The following UBA6 variants were observed in gnomAD, a reference collection of about 807,000 sequenced individuals.
UBA6 encodes the protein ubiquitin-like modifier-activating enzyme 6.
UBA6 carries 87 observed loss-of-function variants against 148.3 expected under a neutral mutation model. The observed-to-expected ratio is 0.59, with a 90% CI of 0.49 to 0.70. The LOEUF (loss-of-function observed/expected upper bound fraction) is 0.70, where lower values mean the gene tolerates loss of function less well. Ranked by LOEUF, UBA6 falls within the 30% of genes least tolerant of loss-of-function variation. UBA6 has a pLI of 0.00. For missense variants in UBA6, 1,186 were observed against 1,241.2 expected (o/e 0.96, Z 0.67); for synonymous variants, 376 against 401.0 (o/e 0.94, Z 0.75).
In UBA6 at chr4:67,678,534, CT is replaced by C; in HGVS notation, c.259-2del. The stretch of plus-strand genomic sequence containing the variant: ...TTTCTGTATCATGAATTGTAACTGC[CT>C]TCAAAAAAGAAAAAAGTATTGGTTG... On this transcript the variant is annotated splice_acceptor_variant, in intron 4 of 32. Coordinates refer to ENST00000322244, the MANE Select transcript of UBA6 (RefSeq NM_018227.6). LOFTEE classifies it high-confidence loss of function. 6.3e-7 allele frequency: 1 copy of C among 1,577,952 alleles called. No individual in the cohort carries two copies. Among genetic ancestry groups the C allele is most frequent in the Non-Finnish European group, 8.6e-7 (1 of 1,158,752 alleles).
chr4:67,677,604 T>A lies in UBA6; in HGVS notation c.465+7A>T. Reference sequence around the variant, plus strand: ...CAATAACATTTAATACAAAATGGAGTACTAACCTGGTATTTATCTAAAAAG... The same window carrying A: ...CAATAACATTTAATACAAAATGGAGAACTAACCTGGTATTTATCTAAAAAG... On this transcript the variant is annotated splice_region_variant and intron_variant, in intron 6 of 32. Coordinates refer to ENST00000322244, the MANE Select transcript of UBA6 (RefSeq NM_018227.6). 7.2e-7 allele frequency: 1 copy of A among 1,395,598 alleles called. No homozygotes were observed. Among genetic ancestry groups the A allele is most frequent in the Non-Finnish European group, 1.0e-6 (1 of 991,852 alleles). The allele number at this position is 1,395,598 out of a possible 1,614,324, so 86.5% of individuals were successfully genotyped here. A position where few individuals can be genotyped will look rare whatever the true frequency, so the allele number is the denominator to read the frequency against.
intron 2 of UBA6, among the ~76,000 whole-genome samples, chr4:67,689,370 T>G (rs539475355): frequency 6.2e-4 from 95 of 152,202 alleles, no homozygotes; most frequent in African/African-American, 2.2e-3. Flanking sequence ...TAAACAACAT[T>G]TGAAGTATCA....
chr4:67,670,119 T>C (rs1159123269), intron 8 of UBA6, among the ~76,000 whole-genome samples: 1 of 152,080 alleles, frequency 6.6e-6, no homozygotes, highest in Non-Finnish European at 1.5e-5. Flanking sequence ...ATTTTTTGTA[T>C]TTTTGGTAGA....
rs1560476184 is a variant in UBA6, at chr4:67,623,177, T to A, written c.2886A>T (p.Gly962=). Residue 962 remains glycine, a synonymous_variant, in exon 31 of 33, where the codon GGA becomes GGT. Transcript: ENST00000322244. ...FTIWDRWTVH[G]KEDFTLLDFI... ...AATCCAAGAGGGTGAAATCTTCTTT[T>A]CCATGTACGGTCCATCGATCCCAAA... 6.2e-7 allele frequency: 1 copy of A among 1,613,222 alleles called. No individual in the cohort carries two copies. Among genetic ancestry groups the A allele is most frequent in the Non-Finnish European group, 8.5e-7 (1 of 1,179,428 alleles).
At chr4:67,667,156 A>C (rs1404395194) in intron 9 of UBA6, among the ~76,000 whole-genome samples, 2 of 152,102 alleles carry the variant, frequency 1.3e-5, no homozygotes, top group East Asian at 1.9e-4. Context: ...CACAACATGG[A>C]CCCCGAAATT....
At position 67,618,985 on chromosome 4, in the gene UBA6, A is replaced by C. The variant is rs1285045978; in HGVS notation, c.*12T>G. ...ATCAAGTGGTCCTGGAGTAACGTTA[A>C]GACAACTTGTATTAATCAGTGTCAT... On this transcript the variant is annotated 3_prime_UTR_variant, in exon 33 of 33. Transcript: ENST00000322244. 3.1e-6 allele frequency: 5 copies of C among 1,611,440 alleles called. No homozygotes were observed. Among genetic ancestry groups the C allele is most frequent in the Non-Finnish European group, 4.2e-6 (5 of 1,179,338 alleles).
intron 15 of UBA6, among the ~76,000 whole-genome samples, chr4:67,646,486 T>C (rs1222044677): frequency 6.6e-6 from 1 of 152,170 alleles, no homozygotes; most frequent in Non-Finnish European, 1.5e-5. Flanking sequence ...CTAATGTCAT[T>C]ATGGTATTTT....
In UBA6 at chr4:67,617,102, C is replaced by T. The variant is rs1457902269; in HGVS notation, c.*1895G>A. The T allele has an allele frequency of 6.6e-6, 1 of 152,060 alleles. No homozygotes were observed. Among genetic ancestry groups the T allele is most frequent in the Non-Finnish European group, 1.5e-5 (1 of 67,954 alleles). 9.4% of individuals were successfully genotyped at this position (152,060 alleles called of 1,614,324 possible). ...TGATTTTGTTTTATCTGCTAAAACACTAATATCTATAAATATGAACTGACA... is the reference window on the plus strand; with the variant it reads ...TGATTTTGTTTTATCTGCTAAAACATTAATATCTATAAATATGAACTGACA... On this transcript the variant is annotated 3_prime_UTR_variant, in exon 33 of 33. Coordinates refer to ENST00000322244, the MANE Select transcript of UBA6 (RefSeq NM_018227.6).
rs1449453264 is a variant in UBA6 at position 67,700,927 on chromosome 4, G to GC, written c.71+121dup. ...CCGCGCGCGCCCCTCGCCTCCCAGG[G>GC]CCGGCTCTGCTCGGCCCCGCGGCCT... On this transcript the variant is annotated intron_variant, in intron 1 of 32. Coordinates refer to ENST00000322244, the MANE Select transcript of UBA6 (RefSeq NM_018227.6). 2.4e-6 allele frequency: 3 copies of GC among 1,236,902 alleles called. No homozygotes were observed. In the African/African-American group the frequency reaches 4.6e-5, roughly 19 times the overall value. 76.6% of individuals were successfully genotyped at this position (1,236,902 alleles called of 1,614,324 possible). A position where few individuals can be genotyped will look rare whatever the true frequency, so the allele number is the denominator to read the frequency against.
At chr4:67,623,995 T>C in intron 30 of UBA6, 131 bp downstream of exon 30, 3 of 707,510 alleles carry the variant, frequency 4.2e-6, no homozygotes, top group Non-Finnish European at 6.5e-6. Flanking sequence ...GAGCTGATCT[T>C]GAAGTGATGG....
intron 13 of UBA6, among the ~76,000 whole-genome samples, chr4:67,651,606 G>GA (rs1039366273): frequency 1.3e-5 from 2 of 152,000 alleles, no homozygotes; most frequent in Non-Finnish European, 2.9e-5. Flanking sequence ...GAAAACTACA[G>GA]AAAAAATATG....
chr4:67,696,235 T>C (rs1438411427), intron 2 of UBA6, among the ~76,000 whole-genome samples: 1 of 152,140 alleles, frequency 6.6e-6, no homozygotes, highest in African/African-American at 2.4e-5. Flanking sequence ...TACGTATTAT[T>C]GTCCAAAAAT....
Position 67,626,249 on chromosome 4 carries a change from T to C in UBA6, c.2518+111A>G, listed in dbSNP as rs904764502. 7.2e-6 allele frequency: 5 copies of C among 690,564 alleles called. No individual in the cohort carries two copies. The Admixed American group carries it at 7.9e-5, about 11-fold the overall frequency. 42.8% of individuals were successfully genotyped at this position (690,564 alleles called of 1,614,324 possible). A position where few individuals can be genotyped will look rare whatever the true frequency, so the allele number is the denominator to read the frequency against. On this transcript the variant is annotated intron_variant, in intron 28 of 32. Transcript: ENST00000322244. The stretch of plus-strand genomic sequence containing the variant: ...AATATGATCATGAAATCAATCAATA[T>C]TGTCATCATTATTATTGTTGTGATT...
intron 18 of UBA6, 124 bp downstream of exon 18, chr4:67,641,023 CATTA>C (rs1729293640): frequency 3.1e-6 from 2 of 655,364 alleles, no homozygotes; most frequent in Non-Finnish European, 5.3e-6. Flanking sequence ...TTGTCATTTC[CATTA>C]ATTGATAATT....
intron 7 of UBA6, 62 bp from the exon 8 acceptor site, chr4:67,670,654 T>C: frequency 8.1e-7 from 1 of 1,242,050 alleles, no homozygotes; most frequent in Non-Finnish European, 1.2e-6. Flanking sequence ...CTCTAGTATC[T>C]TAGGCCATTT....
At chr4:67,689,713 G>C (rs1024944220) in intron 2 of UBA6, among the ~76,000 whole-genome samples, 8 of 151,816 alleles carry the variant, frequency 5.3e-5, no homozygotes, top group African/African-American at 9.7e-5. Flanking sequence ...TCTATTGTTA[G>C]TACCATCTGC....
chr4:67,663,037 G>A, intron 12 of UBA6, 102 bp downstream of exon 12: 1 of 724,820 alleles, frequency 1.4e-6, no homozygotes, highest in Non-Finnish European at 2.3e-6. Context: ...TATATCTATT[G>A]GTATTGTAAT....
At chr4:67,653,427 C>T (rs1729606156) in intron 13 of UBA6, among the ~76,000 whole-genome samples, 1 of 152,172 alleles carries the variant, frequency 6.6e-6, no homozygotes, top group Admixed American at 6.5e-5. Flanking sequence ...CTCCAACAGA[C>T]CTGCAGTTGA....
chr4:67,694,497 T>G (rs993806579), intron 2 of UBA6, among the ~76,000 whole-genome samples: 6 of 151,800 alleles, frequency 4.0e-5, no homozygotes. Context: ...GTTCATGCCA[T>G]TCTCCTGCCT....
Sources: allele counts gnomAD v4.1 joint callset (sites outside exome capture counted in the v4.1 genomes callset), GRCh38; gene constraint gnomAD v4.1.1; transcripts MANE v1.5; gene names NCBI Gene and HGNC (gene_info 2026-07-23, HGNC 2026-07-21).